The following ALK variants were observed in gnomAD, a reference collection of about 807,000 sequenced individuals.
The protein encoded by ALK is ALK tyrosine kinase receptor.
ALK carries 74 observed loss-of-function variants against 163.1 expected under a neutral mutation model. The ratio of observed to expected loss-of-function variants is 0.45; its 90% CI spans 0.38 to 0.55. The LOEUF (loss-of-function observed/expected upper bound fraction) is 0.55. Ranked by LOEUF, ALK falls within the 20% of genes least tolerant of loss-of-function variation. The probability of loss-of-function intolerance (pLI) is 0.00; values close to 1 mark genes in which losing one functional copy is unlikely to be tolerated. For synonymous variants in ALK, 960 were observed against 843.2 expected (o/e 1.14, Z -2.40); for missense variants, 2,063 against 2,105.3 (o/e 0.98, Z 0.39).
chr2:29,388,786 G>A (rs959891994), intron 4 of ALK, among the ~76,000 whole-genome samples: 2 of 152,194 alleles, frequency 1.3e-5, no homozygotes, highest in Non-Finnish European at 2.9e-5. Flanking sequence ...TAGTAAAAGA[G>A]GGTGAGAAAG....
At chr2:29,294,618 C>A (rs962505692) in intron 9 of ALK, among the ~76,000 whole-genome samples, 2 of 152,068 alleles carry the variant, frequency 1.3e-5, no homozygotes, top group Non-Finnish European at 2.9e-5. Flanking sequence ...ATTACTGAGG[C>A]CAAATAACTG....
chr2:29,614,800 A>G (rs1049977494), intron 3 of ALK, among the ~76,000 whole-genome samples: 1 of 151,850 alleles, frequency 6.6e-6, no homozygotes, highest in Non-Finnish European at 1.5e-5. Context: ...TCTTCTTAGT[A>G]ATTTTCTATA....
At chr2:29,225,645 C>G (rs1663957824) in intron 18 of ALK, 80 bp from the exon 19 acceptor site, 1 of 1,183,744 alleles carries the variant, frequency 8.4e-7, no homozygotes, top group Admixed American at 2.0e-5. Context: ...AATAACCTCC[C>G]CCACTGAGAC....
intron 3 of ALK, among the ~76,000 whole-genome samples, chr2:29,626,404 A>T (rs1174406496): frequency 6.6e-6 from 1 of 152,244 alleles, no homozygotes; most frequent in Middle Eastern, 3.4e-3. Flanking sequence ...CCCCTGCACA[A>T]GCTCTCTTGC....
chr2:29,343,829 A>G (rs1332266984), intron 5 of ALK, among the ~76,000 whole-genome samples: 1 of 152,180 alleles, frequency 6.6e-6, no homozygotes, highest in Non-Finnish European at 1.5e-5. Flanking sequence ...GCTGCTTCAG[A>G]CTGGCAGGTC....
chr2:29,694,225 G>A (rs547043177), intron 3 of ALK, among the ~76,000 whole-genome samples: 2 of 152,266 alleles, frequency 1.3e-5, no homozygotes, highest in African/African-American at 4.8e-5. Flanking sequence ...CCTTTCCTAG[G>A]CCCTGATAAT....
At chr2:29,397,851 T>C (rs1190129530) in intron 4 of ALK, among the ~76,000 whole-genome samples, 1 of 152,230 alleles carries the variant, frequency 6.6e-6, no homozygotes, top group East Asian at 1.9e-4. Flanking sequence ...CCCAGGCTCA[T>C]GCTCACACCT....
At chr2:29,295,929 G>T (rs1666163523) in intron 9 of ALK, among the ~76,000 whole-genome samples, 1 of 152,094 alleles carries the variant, frequency 6.6e-6, no homozygotes, top group South Asian at 2.1e-4. Context: ...CCCCTCTTTT[G>T]TCTGGAACAG....
chr2:29,830,944 AAAGAAGAAGAAAAGAAG>A (rs1244879942), intron 1 of ALK, among the ~76,000 whole-genome samples: 7 of 47,594 alleles, frequency 1.5e-4, no homozygotes, highest in African/African-American at 6.0e-4. Flanking sequence ...AAGAAGAAGA[AAAGAAGAAGAAAAGAAG>A]AAGAAGAAGA....
chr2:29,550,857 A>T (rs1673697574), intron 3 of ALK, among the ~76,000 whole-genome samples: 1 of 152,190 alleles, frequency 6.6e-6, no homozygotes, highest in South Asian at 2.1e-4. Context: ...GATTTTAAAA[A>T]TTTAAAATAT....
At chr2:29,343,619 G>A (rs932887670) in intron 5 of ALK, among the ~76,000 whole-genome samples, 7 of 152,204 alleles carry the variant, frequency 4.6e-5, no homozygotes, top group South Asian at 4.1e-4. Flanking sequence ...TTCTCCCTGC[G>A]CTGTGGTTCA....
intron 4 of ALK, among the ~76,000 whole-genome samples, chr2:29,523,845 G>A (rs1672878991): frequency 7.0e-6 from 1 of 142,190 alleles, no homozygotes; most frequent in Non-Finnish European, 1.5e-5. Flanking sequence ...GTCAGAACTG[G>A]CAGAAGCTGA....
intron 1 of ALK, among the ~76,000 whole-genome samples, chr2:29,783,543 T>A (rs762175972): frequency 6.6e-6 from 1 of 152,196 alleles, no homozygotes; most frequent in Non-Finnish European, 1.5e-5. Context: ...GTACTATCCA[T>A]GCTGAGTGAC....
At chr2:29,195,819 A>G (rs1399535462) in intron 28 of ALK, among the ~76,000 whole-genome samples, 2 of 152,178 alleles carry the variant, frequency 1.3e-5, no homozygotes, top group African/African-American at 4.8e-5. Context: ...GAACCAAGAG[A>G]GAGGGAAAGA....
At chr2:29,351,418 A>G (rs1434682967) in intron 5 of ALK, among the ~76,000 whole-genome samples, 1 of 152,116 alleles carries the variant, frequency 6.6e-6, no homozygotes, top group Non-Finnish European at 1.5e-5. Flanking sequence ...CCCAGACAAA[A>G]GCGTTAACTG....
At chr2:29,540,592 TAAA>T (rs76226915) in intron 3 of ALK, among the ~76,000 whole-genome samples, 34,059 of 142,840 alleles carry the variant, frequency 0.24, 4,462 homozygotes, top group South Asian at 0.34. Flanking sequence ...TTTTTTTTTT[TAAA>T]AAAAAAAAAC....
At chr2:29,465,423 G>C (rs1474702612) in intron 4 of ALK, among the ~76,000 whole-genome samples, 1 of 152,188 alleles carries the variant, frequency 6.6e-6, no homozygotes, top group Admixed American at 6.5e-5. Context: ...GCCAGGCATG[G>C]TGGCTCATGC....
intron 4 of ALK, among the ~76,000 whole-genome samples, chr2:29,431,874 T>A (rs1044404002): frequency 6.6e-6 from 1 of 152,102 alleles, no homozygotes; most frequent in Non-Finnish European, 1.5e-5. Context: ...ACAAGTCAGA[T>A]GTGTACTCTA....
chr2:29,379,369 T>A (rs1668839426), intron 5 of ALK, among the ~76,000 whole-genome samples: 1 of 152,248 alleles, frequency 6.6e-6, no homozygotes, highest in Admixed American at 6.5e-5. Flanking sequence ...ATTTATCAAT[T>A]GATTGATTAA....
Sources: allele counts gnomAD v4.1 joint callset (sites outside exome capture counted in the v4.1 genomes callset), GRCh38; gene constraint gnomAD v4.1.1; transcripts MANE v1.5; gene names NCBI Gene and HGNC (gene_info 2026-07-23, HGNC 2026-07-21).